The following WNK2 variants were observed in gnomAD, a reference collection of about 807,000 sequenced individuals.
The protein encoded by WNK2 is WNK lysine deficient protein kinase 2.
Under a neutral mutation model 192.1 loss-of-function variants are expected in WNK2, and 67 were observed. That is an observed-to-expected ratio of 0.35 (90% CI 0.29 to 0.43). The LOEUF (loss-of-function observed/expected upper bound fraction) is 0.43. Ranked by LOEUF, WNK2 falls within the 20% of genes least tolerant of loss-of-function variation. The probability of loss-of-function intolerance (pLI) is 1.00; values close to 1 mark genes in which losing one functional copy is unlikely to be tolerated. For synonymous variants in WNK2, 1,439 were observed against 1,393.9 expected (o/e 1.03, Z -0.72); for missense variants, 2,698 against 3,089.7 (o/e 0.87, Z 3.01).
chr9:93,269,007 T>C (rs1845641292), intron 19 of WNK2: 10 of 1,453,692 alleles, frequency 6.9e-6, no homozygotes, highest in Non-Finnish European at 9.4e-6. Context: ...CATATAGGTG[T>C]GTGTTGAAGA....
chr9:93,199,587 T>C (rs1309746721), intron 2 of WNK2, among the ~76,000 whole-genome samples: 4 of 152,208 alleles, frequency 2.6e-5, no homozygotes, highest in Non-Finnish European at 5.9e-5. Context: ...ATTTGTGTTT[T>C]GGAAGAAGCA....
intron 2 of WNK2, among the ~76,000 whole-genome samples, chr9:93,211,522 A>C (rs1042013356): frequency 5.6e-5 from 7 of 124,914 alleles, no homozygotes; most frequent in Non-Finnish European, 8.4e-5. Context: ...ACTCACTCAT[A>C]CATTCACTCA....
At chr9:93,253,860 A>G (rs1468942130) in intron 9 of WNK2, among the ~76,000 whole-genome samples, 1 of 152,230 alleles carries the variant, frequency 6.6e-6, no homozygotes, top group Non-Finnish European at 1.5e-5. Context: ...GCCCAGCCAC[A>G]GAGGGGTTGC....
chr9:93,189,532 C>T lies in WNK2; in HGVS notation c.681+3922C>T, dbSNP rs945240621. On this transcript the variant is annotated intron_variant, in intron 2 of 29. Coordinates refer to ENST00000427277, the MANE Select transcript of WNK2 (RefSeq NM_006648.4). ...AAGGAACGATGTGTCCTGCCCCAGC[C>T]GGGTGTCTCAGTGTCCTGTCCATCT... Among the ~76,000 whole-genome samples, 16 of 152,218 alleles carry T rather than the reference C, an allele frequency of 1.1e-4. No individual in the cohort carries two copies. The East Asian group carries it at 1.9e-3, about 18-fold the overall frequency.
rs942506048 is a variant in WNK2 at position 93,268,304 on chromosome 9, G to A, written c.3913+239G>A. 3.9e-5 allele frequency among the ~76,000 whole-genome samples: 6 copies of A among 152,288 alleles called. No individual in the cohort carries two copies. In the East Asian group the frequency reaches 7.7e-4, roughly 20 times the overall value. On this transcript the variant is annotated intron_variant, in intron 18 of 29. Transcript: ENST00000427277. ...CCAAGCCTACGCGAGGGGTCCTCTC[G>A]GGAGCTTCGGGGGCTGCCAGTGAGG...
chr9:93,314,513 C>T (rs78542650), intron 28 of WNK2, among the ~76,000 whole-genome samples: 1,720 of 152,038 alleles, frequency 0.011, 27 homozygotes, highest in East Asian at 0.052. Context: ...AAGAAATACA[C>T]GCTTTTTTCT....
At chr9:93,260,849 G>A (rs1844111184) in intron 12 of WNK2, among the ~76,000 whole-genome samples, 1 of 152,218 alleles carries the variant, frequency 6.6e-6, no homozygotes, top group African/African-American at 2.4e-5. Context: ...TTATCAGAAG[G>A]CCGAGGGCCA....
intron 2 of WNK2, among the ~76,000 whole-genome samples, chr9:93,221,152 C>T (rs868760751): frequency 2.0e-5 from 3 of 152,198 alleles, no homozygotes; most frequent in Admixed American, 6.5e-5. Context: ...ACTGACCTGC[C>T]GTGCTCATGC....
intron 2 of WNK2, among the ~76,000 whole-genome samples, chr9:93,197,567 C>G (rs10761200): frequency 0.59 from 89,698 of 151,986 alleles, 27,163 homozygotes; most frequent in Non-Finnish European, 0.66. Flanking sequence ...TGCTCTGTCT[C>G]CTAGACTGGA....
chr9:93,202,132 G>A (rs921011343), intron 2 of WNK2, among the ~76,000 whole-genome samples: 1 of 152,228 alleles, frequency 6.6e-6, no homozygotes, highest in Non-Finnish European at 1.5e-5. Context: ...GGTGACTGAG[G>A]TTTGGTGTGG....
chr9:93,223,992 G>C (rs1396290670), intron 2 of WNK2, among the ~76,000 whole-genome samples: 1 of 152,244 alleles, frequency 6.6e-6, no homozygotes, highest in Non-Finnish European at 1.5e-5. Flanking sequence ...GAGACCTGAT[G>C]CCCTCCCATC....
At chr9:93,187,703 G>A (rs1255736906) in intron 2 of WNK2, among the ~76,000 whole-genome samples, 1 of 152,186 alleles carries the variant, frequency 6.6e-6, no homozygotes, top group Non-Finnish European at 1.5e-5. Context: ...GATCAGGGGA[G>A]GAGGGCCCCT....
Position 93,231,050 on chromosome 9 carries a change from G to C in WNK2, c.1017G>C (p.Lys339Asn). The C allele has an allele frequency of 6.2e-7, 1 of 1,613,934 alleles. No individual in the cohort carries two copies. The highest frequency in any genetic ancestry group is 8.5e-7 in the Non-Finnish European group (1 of 1,179,874). ...IFITGPTGSV[K>N]IGDLGLATLK... The stretch of plus-strand genomic sequence containing the variant: ...TCACCGGACCAACTGGGTCTGTGAA[G>C]ATTGGCGACTTGGGCCTGGCCACTC... The change falls in exon 4 of 30, where the codon AAG becomes AAC. Residue 339 changes from lysine (K) to asparagine (N), a missense_variant. By Grantham distance (94) the Lys-to-Asn change is moderately conservative. Around this residue, in one of 7 missense-constraint regions of WNK2, gnomAD observed 230 missense variants for 501.1 expected, o/e 0.46. Transcript: ENST00000427277.
At chr9:93,210,613 C>G (rs1313633619) in intron 2 of WNK2, among the ~76,000 whole-genome samples, 1 of 152,180 alleles carries the variant, frequency 6.6e-6, no homozygotes, top group Non-Finnish European at 1.5e-5. Context: ...TGAGATCATA[C>G]CAGGCCCTTT....
At chr9:93,306,631 C>A (rs527436941) in intron 26 of WNK2, 146 bp from the exon 27 acceptor site, 4 of 1,028,500 alleles carry the variant, frequency 3.9e-6, no homozygotes, top group East Asian at 2.4e-5. Flanking sequence ...CCGTTTCCCC[C>A]GGCCGGGTCG....
chr9:93,261,384 G>T (rs537735297), intron 12 of WNK2, among the ~76,000 whole-genome samples: 1 of 152,220 alleles, frequency 6.6e-6, no homozygotes, highest in Non-Finnish European at 1.5e-5. Context: ...AGCCTAAGCC[G>T]CAGTCGCCCT....
At chr9:93,244,279 C>A (rs1841283660) in intron 7 of WNK2, among the ~76,000 whole-genome samples, 1 of 152,194 alleles carries the variant, frequency 6.6e-6, no homozygotes, top group African/African-American at 2.4e-5. Context: ...AGATGGAGCT[C>A]CCCAGAGAGA....
intron 2 of WNK2, among the ~76,000 whole-genome samples, chr9:93,213,538 C>T (rs1343107163): frequency 1.3e-5 from 2 of 152,096 alleles, no homozygotes; most frequent in East Asian, 3.8e-4. Context: ...ACCTGTAATC[C>T]CAGCACTTTG....
At chr9:93,190,434 G>A (rs7857039) in intron 2 of WNK2, among the ~76,000 whole-genome samples, 69,801 of 151,908 alleles carry the variant, frequency 0.46, 17,119 homozygotes, top group East Asian at 0.56. Flanking sequence ...TCAGGACCAG[G>A]CCACCATGGG....
Sources: allele counts gnomAD v4.1 joint callset (sites outside exome capture counted in the v4.1 genomes callset), GRCh38; gene constraint gnomAD v4.1.1; regional missense constraint gnomAD v4.1.1; transcripts MANE v1.5; gene names NCBI Gene and HGNC (gene_info 2026-07-23, HGNC 2026-07-21).